Variants in ZFPM2 observed in about 807,000 individuals in gnomAD.
ZFPM2 encodes zinc finger protein ZFPM2.
A neutral mutation model predicts 98.6 loss-of-function variants in ZFPM2; 20 were observed. The observed-to-expected ratio is 0.20, with a 90% CI of 0.14 to 0.29. ZFPM2 has a LOEUF of 0.29. Among genes scored for constraint, ZFPM2 ranks in the 10% least tolerant of loss-of-function variants. The pLI is 1.00. For synonymous variants in ZFPM2, 518 were observed against 502.7 expected, an observed-to-expected ratio of 1.03 and a Z score of -0.41; for missense variants, 1,310 against 1,388.6, an observed-to-expected ratio of 0.94 and a Z score of 0.90.
At chr8:105,703,356 C>A (rs988478437) in intron 5 of ZFPM2, among the ~76,000 whole-genome samples, 1 of 152,054 alleles carries the variant, frequency 6.6e-6, no homozygotes, top group African/African-American at 2.4e-5. Context: ...ACAGAGAGAT[C>A]TACTGGGGAG....
intron 3 of ZFPM2, among the ~76,000 whole-genome samples, chr8:105,468,367 A>G (rs937242802): frequency 6.6e-6 from 1 of 151,936 alleles, no homozygotes; most frequent in Non-Finnish European, 1.5e-5. Flanking sequence ...CCTCCTTCAT[A>G]TGTATCAACC....
intron 3 of ZFPM2, among the ~76,000 whole-genome samples, chr8:105,560,224 T>C (rs574188553): frequency 6.6e-6 from 1 of 151,908 alleles, no homozygotes; most frequent in African/African-American, 2.4e-5. Context: ...TTCTATTCTA[T>C]TTTCCTCAGC....
intron 1 of ZFPM2, among the ~76,000 whole-genome samples, chr8:105,411,534 G>A (rs990963731): frequency 7.2e-5 from 11 of 151,794 alleles, no homozygotes; most frequent in Admixed American, 5.9e-4. Flanking sequence ...AAAGAAAAGA[G>A]AATAAGCTAA....
In ZFPM2 at chr8:105,406,196, G is replaced by T. The variant is rs556543454; in HGVS notation, c.41-12948G>T. 1.3e-3 allele frequency among the ~76,000 whole-genome samples: 204 copies of T among 152,028 alleles called. 6 individuals carry two copies. The South Asian group carries it at 0.04, about 30-fold the overall frequency. ...TATTAGCCCTTTGTCAGATGAGTAG[G>T]TTGCAAAAATTTTCTCCCATTCTGT... On this transcript the variant is annotated intron_variant, in intron 1 of 7. Transcript: ENST00000407775.
intron 3 of ZFPM2, among the ~76,000 whole-genome samples, chr8:105,447,731 C>T (rs1586380020): frequency 6.6e-6 from 1 of 152,032 alleles, no homozygotes; most frequent in African/African-American, 2.4e-5. Flanking sequence ...ATAGAGCTGA[C>T]GTCATTTAAG....
chr8:105,450,648 C>T (rs1412107811), intron 3 of ZFPM2, among the ~76,000 whole-genome samples: 1 of 151,944 alleles, frequency 6.6e-6, no homozygotes, highest in Admixed American at 6.6e-5. Context: ...AATGAACCAT[C>T]ATTTTATCTC....
At chr8:105,660,787 G>A (rs544586275) in intron 5 of ZFPM2, among the ~76,000 whole-genome samples, 1 of 152,074 alleles carries the variant, frequency 6.6e-6, no homozygotes, top group African/African-American at 2.4e-5. Flanking sequence ...TAAAACGTAG[G>A]TATCTCTTAA....
chr8:105,698,041 A>G (rs1811059448), intron 5 of ZFPM2, among the ~76,000 whole-genome samples: 1 of 152,220 alleles, frequency 6.6e-6, no homozygotes, highest in Admixed American at 6.5e-5. Context: ...TTCCTAAAAT[A>G]TATGTATTTT....
rs571862393 is a variant in ZFPM2 at position 105,646,427 on chromosome 8, T to A, written c.532+12070T>A. 4.6e-5 allele frequency among the ~76,000 whole-genome samples: 7 copies of A among 152,144 alleles called. No individual in the cohort carries two copies. In the South Asian group the frequency reaches 1.2e-3, roughly 27 times the overall value. ...CCTAATGACAATTAGCGATGAGGGG[T>A]ATGATGAGGCATATCTGACCTCCTA... On this transcript the variant is annotated intron_variant, in intron 5 of 7. Transcript: ENST00000407775.
In ZFPM2 at chr8:105,803,634, A is replaced by G; in HGVS notation, c.*96A>G. The G allele has an allele frequency of 5.7e-6, 7 of 1,219,436 alleles. No individual in the cohort carries two copies. The highest frequency in any genetic ancestry group is 8.1e-6 in the Non-Finnish European group (7 of 861,158). 75.5% of individuals were successfully genotyped at this position (1,219,436 alleles called of 1,614,324 possible). Reference sequence around the variant, plus strand: ...TAAGCTGTTTGAATTACATCTGGGCAATCAGGAGATAATTCATTATGGCTG... The same window carrying G: ...TAAGCTGTTTGAATTACATCTGGGCGATCAGGAGATAATTCATTATGGCTG... On this transcript the variant is annotated 3_prime_UTR_variant, in exon 8 of 8. Coordinates refer to ENST00000407775, the MANE Select transcript of ZFPM2 (RefSeq NM_012082.4).
At chr8:105,511,028 T>A (rs1380592248) in intron 3 of ZFPM2, among the ~76,000 whole-genome samples, 1 of 152,194 alleles carries the variant, frequency 6.6e-6, no homozygotes, top group African/African-American at 2.4e-5. Flanking sequence ...GCAGGCAGTA[T>A]GGGACCCCTG....
chr8:105,704,918 G>A (rs78294570), intron 5 of ZFPM2, among the ~76,000 whole-genome samples: 4,205 of 152,240 alleles, frequency 0.028, 164 homozygotes, highest in African/African-American at 0.091. Context: ...CCTCTAGTCA[G>A]TTAGTCTCGT....
At chr8:105,767,324 A>G (rs1022063261) in intron 5 of ZFPM2, among the ~76,000 whole-genome samples, 3 of 151,918 alleles carry the variant, frequency 2.0e-5, no homozygotes, top group African/African-American at 7.2e-5. Context: ...CTTTTATGCA[A>G]AGAGAATGCC....
intron 3 of ZFPM2, among the ~76,000 whole-genome samples, chr8:105,542,485 T>G (rs924801644): frequency 1.3e-5 from 2 of 152,200 alleles, no homozygotes; most frequent in Admixed American, 1.3e-4. Flanking sequence ...TAATGAAAGT[T>G]TGAACTGCAT....
chr8:105,374,895 T>A (rs1325834145), intron 1 of ZFPM2, among the ~76,000 whole-genome samples: 1 of 152,018 alleles, frequency 6.6e-6, no homozygotes, highest in Non-Finnish European at 1.5e-5. Flanking sequence ...CAACATTTTT[T>A]TTTTTGGGTT....
intron 5 of ZFPM2, among the ~76,000 whole-genome samples, chr8:105,646,162 A>G (rs1383599369): frequency 6.6e-6 from 1 of 152,022 alleles, no homozygotes; most frequent in Non-Finnish European, 1.5e-5. Context: ...TGGCATTAGC[A>G]TGATCCAAGG....
chr8:105,768,374 C>T (rs1403459226), intron 5 of ZFPM2, among the ~76,000 whole-genome samples: 1 of 151,908 alleles, frequency 6.6e-6, no homozygotes, highest in Non-Finnish European at 1.5e-5. Flanking sequence ...AGCACAGAAT[C>T]ATCTCTTTAT....
At chr8:105,556,636 G>T (rs1369268067) in intron 3 of ZFPM2, among the ~76,000 whole-genome samples, 1 of 150,902 alleles carries the variant, frequency 6.6e-6, no homozygotes, top group Admixed American at 6.6e-5. Context: ...ACCTGTGATT[G>T]CCATCTCATC....
chr8:105,729,280 A>T (rs528162247), intron 5 of ZFPM2, among the ~76,000 whole-genome samples: 2 of 151,830 alleles, frequency 1.3e-5, no homozygotes, highest in African/African-American at 2.4e-5. Flanking sequence ...TTTGAGCCAC[A>T]TATACAACAC....
Sources: gnomAD v4.1 joint callset for allele counts (sites outside exome capture counted in the v4.1 genomes callset) on GRCh38, gnomAD v4.1.1 for gene constraint, MANE v1.5 for transcripts, NCBI Gene and HGNC (gene_info 2026-07-23, HGNC 2026-07-21) for gene names.